CAMTA1: variants seen among roughly 807,000 people sequenced by gnomAD.
CAMTA1 encodes the protein calmodulin-binding transcription activator 1.
A neutral mutation model predicts 170.9 loss-of-function variants in CAMTA1; 27 were observed. The observed-to-expected ratio is 0.16, with a 90% CI of 0.12 to 0.22. The LOEUF (loss-of-function observed/expected upper bound fraction) is 0.22. Ranked by LOEUF, CAMTA1 falls within the 10% of genes least tolerant of loss-of-function variation. CAMTA1 has a pLI of 1.00. For synonymous variants in CAMTA1, 833 were observed against 891.5 expected, an observed-to-expected ratio of 0.93 and a Z score of 1.17; for missense variants, 1,619 against 2,217.2, an observed-to-expected ratio of 0.73 and a Z score of 5.42.
intron 5 of CAMTA1, among the ~76,000 whole-genome samples, chr1:7,314,542 T>A (rs1176093118): frequency 1.3e-5 from 2 of 152,214 alleles, no homozygotes; most frequent in Non-Finnish European, 2.9e-5. Context: ...AACTCTTTTT[T>A]ATCATGGAAC....
chr1:7,600,592 C>T (rs1263980570), intron 6 of CAMTA1, among the ~76,000 whole-genome samples: 1 of 151,002 alleles, frequency 6.6e-6, no homozygotes, highest in Non-Finnish European at 1.5e-5. Flanking sequence ...GATAAGTGAA[C>T]AAAGGTCTCT....
At chr1:7,424,067 G>A (rs1032685150) in intron 5 of CAMTA1, among the ~76,000 whole-genome samples, 2 of 152,078 alleles carry the variant, frequency 1.3e-5, no homozygotes. Context: ...CCTGATGGGG[G>A]CAGAAGGATA....
At chr1:7,640,164 G>C (rs887567894) in intron 6 of CAMTA1, among the ~76,000 whole-genome samples, 1 of 152,172 alleles carries the variant, frequency 6.6e-6, no homozygotes, top group African/African-American at 2.4e-5. Flanking sequence ...CACAGCCGGA[G>C]GGGGAGGGGC....
intron 3 of CAMTA1, among the ~76,000 whole-genome samples, chr1:7,024,042 A>AAG (rs1701723952): frequency 6.7e-6 from 1 of 150,258 alleles, no homozygotes; most frequent in Non-Finnish European, 1.5e-5. Flanking sequence ...AAAAAAAAAA[A>AAG]AAAGAAAGAA....
At chr1:7,042,248 C>T (rs1043305968) in intron 3 of CAMTA1, among the ~76,000 whole-genome samples, 2 of 152,214 alleles carry the variant, frequency 1.3e-5, no homozygotes, top group African/African-American at 4.8e-5. Context: ...AAAGCAGATG[C>T]TGCTTCTCTT....
intron 11 of CAMTA1, among the ~76,000 whole-genome samples, chr1:7,696,278 C>A (rs1245615282): frequency 3.3e-5 from 5 of 152,140 alleles, no homozygotes; most frequent in African/African-American, 9.7e-5. Context: ...CTCATTGCAA[C>A]CTCCACCTCC....
chr1:7,480,403 G>A (rs2093507394), intron 6 of CAMTA1, among the ~76,000 whole-genome samples: 1 of 151,640 alleles, frequency 6.6e-6, no homozygotes, highest in African/African-American at 2.4e-5. Flanking sequence ...GAGAGTGTGT[G>A]TGTGTGTGTG....
chr1:7,572,739 T>G (rs1210444747), intron 6 of CAMTA1, among the ~76,000 whole-genome samples: 1 of 151,840 alleles, frequency 6.6e-6, no homozygotes, highest in Non-Finnish European at 1.5e-5. Flanking sequence ...CACCTGGGGG[T>G]TTAGGATTTC....
At chr1:7,563,347 G>A (rs772508010) in intron 6 of CAMTA1, among the ~76,000 whole-genome samples, 7 of 152,170 alleles carry the variant, frequency 4.6e-5, no homozygotes, top group South Asian at 2.1e-4. Flanking sequence ...GGAACCAGCC[G>A]CACCTCAAGA....
intron 3 of CAMTA1, among the ~76,000 whole-genome samples, chr1:7,054,755 C>G (rs1272056231): frequency 6.6e-6 from 1 of 152,224 alleles, no homozygotes; most frequent in East Asian, 1.9e-4. Context: ...CTTCAGTGTT[C>G]TCATCTGCAG....
intron 6 of CAMTA1, among the ~76,000 whole-genome samples, chr1:7,497,181 TCA>T (rs956894547): frequency 6.6e-6 from 1 of 152,130 alleles, no homozygotes; most frequent in Non-Finnish European, 1.5e-5. Flanking sequence ...GCTGCCCGTC[TCA>T]CACCTCCCCT....
intron 3 of CAMTA1, among the ~76,000 whole-genome samples, chr1:7,043,201 G>A (rs746036306): frequency 2.0e-5 from 3 of 152,184 alleles, no homozygotes; most frequent in Admixed American, 6.5e-5. Flanking sequence ...TGGGTGCATC[G>A]GGGCCTCACT....
chr1:7,157,071 C>T lies in CAMTA1; in HGVS notation c.302+65700C>T, dbSNP rs549305675. On this transcript the variant is annotated intron_variant, in intron 4 of 22. Coordinates refer to ENST00000303635, the MANE Select transcript of CAMTA1 (RefSeq NM_015215.4). ...AATAATAAAAACTTTTGGCCGGGCG[C>T]GGTGACTCACGCCTGTAATCCCAGC... is the stretch of plus-strand genomic sequence containing the variant. 9.9e-5 allele frequency among the ~76,000 whole-genome samples: 15 copies of T among 152,166 alleles called. No individual in the cohort carries two copies. The East Asian group carries it at 1.5e-3, about 16-fold the overall frequency.
chr1:7,613,463 C>T (rs2095537181), intron 6 of CAMTA1, among the ~76,000 whole-genome samples: 2 of 152,126 alleles, frequency 1.3e-5, no homozygotes, highest in African/African-American at 4.8e-5. Context: ...TTTGGACAAT[C>T]CCTGGAGCTG....
intron 5 of CAMTA1, among the ~76,000 whole-genome samples, chr1:7,322,535 C>T (rs116068283): frequency 6.6e-6 from 1 of 152,254 alleles, no homozygotes; most frequent in Non-Finnish European, 1.5e-5. Context: ...CAATAGCCAT[C>T]CAATCCCATC....
At chr1:7,481,713 T>C (rs1407479434) in intron 6 of CAMTA1, among the ~76,000 whole-genome samples, 1 of 152,176 alleles carries the variant, frequency 6.6e-6, no homozygotes, top group Admixed American at 6.5e-5. Context: ...TTTTCGAGGA[T>C]TTCAAAGTAA....
chr1:7,687,649 C>T (rs2096270238), intron 11 of CAMTA1, among the ~76,000 whole-genome samples: 1 of 152,230 alleles, frequency 6.6e-6, no homozygotes, highest in African/African-American at 2.4e-5. Flanking sequence ...TCCCATCTTG[C>T]ACCTCTGGTG....
At chr1:7,027,214 A>C (rs1419963256) in intron 3 of CAMTA1, among the ~76,000 whole-genome samples, 2 of 152,160 alleles carry the variant, frequency 1.3e-5, no homozygotes, top group Non-Finnish European at 2.9e-5. Flanking sequence ...AAAAAAAAGA[A>C]ATGTCTTCGG....
At chr1:7,755,769 G>C (rs571963104) in intron 22 of CAMTA1, 101 bp downstream of exon 22, 1 of 914,828 alleles carries the variant, frequency 1.1e-6, no homozygotes, top group African/African-American at 1.6e-5. Flanking sequence ...ATGCCAGTAA[G>C]TTTCACATCC....
Sources: gnomAD v4.1 joint callset for allele counts (sites outside exome capture counted in the v4.1 genomes callset) on GRCh38, gnomAD v4.1.1 for gene constraint, MANE v1.5 for transcripts, NCBI Gene and HGNC (gene_info 2026-07-23, HGNC 2026-07-21) for gene names.